RANBP2: variants seen among roughly 807,000 people sequenced by gnomAD.
RANBP2 encodes the protein E3 SUMO-protein ligase RanBP2.
Under a neutral mutation model 303.6 loss-of-function variants are expected in RANBP2, and 57 were observed. That is an observed-to-expected ratio of 0.19 (90% CI 0.15 to 0.23). The LOEUF (loss-of-function observed/expected upper bound fraction) is 0.23, where lower values mean the gene tolerates loss of function less well. Among genes scored for constraint, RANBP2 ranks in the 10% least tolerant of loss-of-function variants. RANBP2 has a pLI of 1.00. For synonymous variants in RANBP2, 1,167 were observed against 1,301.5 expected (o/e 0.90, Z 2.23); for missense variants, 3,138 against 3,780.8 (o/e 0.83, Z 4.46).
chr2:109,145,216 G>A, the RANBP2 span, among the ~76,000 whole-genome samples: 2 of 152,172 alleles, frequency 1.3e-5, no homozygotes, highest in Admixed American at 6.5e-5. Context: ...TGTCCTGGCT[G>A]GGTCCTTCCT....
chr2:109,413,114 T>C, the RANBP2 span, among the ~76,000 whole-genome samples: 1 of 152,192 alleles, frequency 6.6e-6, no homozygotes, highest in Non-Finnish European at 1.5e-5. Context: ...ATTATCATTA[T>C]TTTATATATA....
chr2:108,730,822 C>G lies in RANBP2; in HGVS notation c.189C>G (p.His63Gln). Residue 63 changes from histidine (H) to glutamine (Q), a missense_variant, in exon 3 of 29, where the codon CAC becomes CAG. His to Gln is a conservative substitution (Grantham distance 24). Transcript: ENST00000283195. ...TGCAAGAGAGGGATCCCAAAGCTCACAGATTTCTGGGTCTTCTTTATGAAT... is the reference window on the plus strand; with the variant it reads ...TGCAAGAGAGGGATCCCAAAGCTCAGAGATTTCTGGGTCTTCTTTATGAAT... ...INVQERDPKAHRFLGLLYELE... is the reference protein window; with the variant it reads ...INVQERDPKAQRFLGLLYELE... The G allele has an allele frequency of 6.2e-7, 1 of 1,611,652 alleles. No individual in the cohort carries two copies. The highest frequency in any genetic ancestry group is 8.5e-7 in the Non-Finnish European group (1 of 1,179,654).
the RANBP2 span, chr2:108,791,646 A>C: frequency 6.3e-7 from 1 of 1,596,974 alleles, no homozygotes; most frequent in Non-Finnish European, 8.6e-7. Context: ...AAACTTCTAG[A>C]TTGCTGTGAT....
chr2:109,172,891 C>T, the RANBP2 span, among the ~76,000 whole-genome samples: 265 of 152,260 alleles, frequency 1.7e-3, 1 homozygote, highest in East Asian at 5.6e-3. Context: ...CCAAAATAAA[C>T]GTGCATGTTC....
At chr2:108,881,235 A>T in the RANBP2 span, among the ~76,000 whole-genome samples, 1 of 152,210 alleles carries the variant, frequency 6.6e-6, no homozygotes, top group Non-Finnish European at 1.5e-5. Context: ...TGTTGCTTCA[A>T]CTTGCACTTT....
chr2:109,401,281 A>C, the RANBP2 span, among the ~76,000 whole-genome samples: 2 of 152,238 alleles, frequency 1.3e-5, no homozygotes, highest in Non-Finnish European at 2.9e-5. Context: ...GTTGTGAAAC[A>C]AATTTGGCTC....
At chr2:108,990,437 C>CAAAAAAAAAAAAAAAAAAA in the RANBP2 span, among the ~76,000 whole-genome samples, 1 of 70,646 alleles carries the variant, frequency 1.4e-5, no homozygotes, top group African/African-American at 5.8e-5. Context: ...GACTCCGTCT[C>CAAAAAAAAAAAAAAAAAAA]AAAAAAAAAA....
At chr2:108,852,618 G>C in the RANBP2 span, among the ~76,000 whole-genome samples, 1 of 152,144 alleles carries the variant, frequency 6.6e-6, no homozygotes, top group African/African-American at 2.4e-5. Flanking sequence ...GGATGGACTT[G>C]GAGGCCGTTA....
the RANBP2 span, among the ~76,000 whole-genome samples, chr2:109,540,404 A>C: frequency 6.6e-6 from 1 of 152,124 alleles, no homozygotes; most frequent in Non-Finnish European, 1.5e-5. Flanking sequence ...TACTCCTATC[A>C]ATCTTTGCTT....
At chr2:109,160,574 A>G in the RANBP2 span, among the ~76,000 whole-genome samples, 1 of 152,112 alleles carries the variant, frequency 6.6e-6, no homozygotes, top group African/African-American at 2.4e-5. Flanking sequence ...TCTAGCAGTA[A>G]CTCCAAGAGG....
chr2:109,368,392 T>A, the RANBP2 span, among the ~76,000 whole-genome samples: 3 of 152,222 alleles, frequency 2.0e-5, no homozygotes, highest in African/African-American at 7.2e-5. Context: ...GTTTAATCCT[T>A]ATGGAATGAA....
At chr2:108,820,511 A>G in the RANBP2 span, among the ~76,000 whole-genome samples, 1 of 152,140 alleles carries the variant, frequency 6.6e-6, no homozygotes, top group Non-Finnish European at 1.5e-5. Flanking sequence ...CAGAGAGGAC[A>G]ATTCTAAAGA....
chr2:108,786,668 C>T (rs1032299995), downstream of RANBP2: 2 of 664,624 alleles, frequency 3.0e-6, no homozygotes, highest in Non-Finnish European at 5.3e-6. Flanking sequence ...ACAAGCCGGG[C>T]TGCAGTCTCC....
the RANBP2 span, among the ~76,000 whole-genome samples, chr2:109,442,746 A>T: frequency 2.0e-5 from 3 of 152,228 alleles, no homozygotes; most frequent in Admixed American, 1.3e-4. Flanking sequence ...AGGGAATAAA[A>T]AGGAATCATG....
chr2:108,890,232 CTTTTTTTTTTT>C, the RANBP2 span, among the ~76,000 whole-genome samples: 346 of 114,664 alleles, frequency 3.0e-3, 1 homozygote, highest in Middle Eastern at 4.4e-3. Context: ...ATGGGGTTTT[CTTTTTTTTTTT>C]TTTTTTTTTT....
chr2:109,127,037 G>A, the RANBP2 span, among the ~76,000 whole-genome samples: 1 of 152,252 alleles, frequency 6.6e-6, no homozygotes, highest in Non-Finnish European at 1.5e-5. Context: ...ACTGCGAGGT[G>A]TGTGCCCTTC....
intron 12 of RANBP2, among the ~76,000 whole-genome samples, chr2:108,752,288 T>C (rs1253052358): frequency 6.6e-6 from 1 of 152,034 alleles, no homozygotes; most frequent in Non-Finnish European, 1.5e-5. Context: ...CACAAGGCTT[T>C]GTAGGTAAGA....
chr2:109,712,198 C>T, the RANBP2 span, among the ~76,000 whole-genome samples: 1 of 152,182 alleles, frequency 6.6e-6, no homozygotes, highest in African/African-American at 2.4e-5. Context: ...CTCAGGGCTG[C>T]CCTGGCCGGC....
the RANBP2 span, among the ~76,000 whole-genome samples, chr2:109,708,479 G>A: frequency 6.6e-6 from 1 of 151,746 alleles, no homozygotes; most frequent in Admixed American, 6.6e-5. Flanking sequence ...GCAACATGGC[G>A]AAACCCCATC....
Sources: gnomAD v4.1 joint callset for allele counts (sites outside exome capture counted in the v4.1 genomes callset) on GRCh38, gnomAD v4.1.1 for gene constraint, MANE v1.5 for transcripts, NCBI Gene and HGNC (gene_info 2026-07-23, HGNC 2026-07-21) for gene names.